The following PCDHGA1 variants were observed in gnomAD, a reference collection of about 807,000 sequenced individuals.
PCDHGA1 encodes protocadherin gamma-A1.
A neutral mutation model predicts 58.0 loss-of-function variants in PCDHGA1; 32 were observed. The observed-to-expected ratio is 0.55, with a 90% CI of 0.42 to 0.74. The LOEUF is 0.74. Ranked by LOEUF, PCDHGA1 falls within the 30% of genes least tolerant of loss-of-function variation. PCDHGA1 has a pLI of 0.00. For synonymous variants in PCDHGA1, 498 were observed against 501.1 expected (o/e 0.99, Z 0.08); for missense variants, 1,205 against 1,182.3 (o/e 1.02, Z -0.28).
chr5:141,340,506 G>C (rs1756951187), intron 1 of PCDHGA1: 1 of 1,614,224 alleles, frequency 6.2e-7, no homozygotes, highest in East Asian at 2.2e-5. Context: ...TCCGACACTG[G>C]AGTACTCTAT....
chr5:141,414,040 C>T, intron 1 of PCDHGA1: 2 of 1,611,438 alleles, frequency 1.2e-6, no homozygotes, highest in Non-Finnish European at 1.7e-6. Context: ...CCGAAAATTA[C>T]CTGACACGCA....
At chr5:141,370,338 G>T in intron 1 of PCDHGA1, 1 of 1,456,378 alleles carries the variant, frequency 6.9e-7, no homozygotes, top group Non-Finnish European at 9.2e-7. Context: ...GAACTCTTGG[G>T]ATTATTTAAA....
At chr5:141,449,726 TTTTTTATGACATGATTA>T (rs2098653732) in intron 1 of PCDHGA1, among the ~76,000 whole-genome samples, 1 of 151,792 alleles carries the variant, frequency 6.6e-6, no homozygotes, top group Admixed American at 6.6e-5. Flanking sequence ...ATGATATGAT[TTTTTTATGACATGATTA>T]TTTTTATGAC....
rs1178458180 is a variant in PCDHGA1 at position 141,384,264 on chromosome 5, A to G, written c.2421+51159A>G. The G allele has an allele frequency of 5.0e-6, 8 of 1,613,664 alleles. No individual in the cohort carries two copies. The African/African-American group carries it at 8.0e-5, about 16-fold the overall frequency. On this transcript the variant is annotated intron_variant, in intron 1 of 3. Transcript: ENST00000517417. ...ATAACCCACCCACCTTCCCCCACTCATCCTACTCAGTCTACATCGCTGAGA... is the reference window on the plus strand; with the variant it reads ...ATAACCCACCCACCTTCCCCCACTCGTCCTACTCAGTCTACATCGCTGAGA...
At chr5:141,456,971 A>G (rs1031714073) in intron 1 of PCDHGA1, among the ~76,000 whole-genome samples, 1 of 147,384 alleles carries the variant, frequency 6.8e-6, no homozygotes, top group Non-Finnish European at 1.5e-5. Context: ...TCAAAACAAA[A>G]CAAACAAACA....
Position 141,476,646 on chromosome 5 carries a change from A to G in PCDHGA1, c.2422-18161A>G, listed in dbSNP as rs771366262. 1.9e-6 allele frequency: 3 copies of G among 1,614,132 alleles called. No homozygotes were observed. The highest frequency in any genetic ancestry group is 1.7e-5 in the Admixed American group (1 of 60,010). ...TTACAAACCTATGAGCTGAGCCGAA[A>G]TGAATACTTTGCGCTTCGCGTGCAG... On this transcript the variant is annotated intron_variant, in intron 1 of 3. Transcript: ENST00000517417. This position sits in a 1 kb window ranked among gnomAD's most constrained non-coding sequence, Gnocchi z 7.6.
chr5:141,435,882 C>G (rs780080571), intron 1 of PCDHGA1, among the ~76,000 whole-genome samples: 1 of 152,060 alleles, frequency 6.6e-6, no homozygotes, highest in African/African-American at 2.4e-5. Context: ...AGATTGGAAA[C>G]CCCTTAGAGA....
intron 1 of PCDHGA1, chr5:141,377,280 AT>A (rs1037514714): frequency 2.0e-5 from 3 of 151,272 alleles, no homozygotes; most frequent in East Asian, 1.9e-4. Context: ...GGGAAAAAAA[AT>A]AACCTTAATT....
At chr5:141,406,448 A>G (rs149183502) in intron 1 of PCDHGA1, among the ~76,000 whole-genome samples, 1 of 152,348 alleles carries the variant, frequency 6.6e-6, no homozygotes, top group African/African-American at 2.4e-5. Context: ...TTCCATTTCT[A>G]TGACAGGAAA....
intron 1 of PCDHGA1, 33 bp from the exon 2 acceptor site, chr5:141,494,774 T>C (rs1462930792): frequency 6.2e-7 from 1 of 1,613,860 alleles, no homozygotes; most frequent in African/African-American, 1.3e-5. Flanking sequence ...TTCTCACGGG[T>C]ACTCAGCCCC....
intron 1 of PCDHGA1, chr5:141,408,109 C>T (rs1011504923): frequency 3.5e-6 from 5 of 1,445,662 alleles, no homozygotes; most frequent in Non-Finnish European, 4.6e-6. Flanking sequence ...AGACCCGGGA[C>T]TCCTCCTGTC....
chr5:141,361,636 A>G (rs767493690), intron 1 of PCDHGA1: 3 of 1,613,640 alleles, frequency 1.9e-6, no homozygotes, highest in African/African-American at 1.3e-5. Context: ...GCCGCGGGAG[A>G]TTTTATCCTA....
rs1395556571 is a variant in PCDHGA1 at position 141,432,581 on chromosome 5, C to CT, written c.2422-62225dup. ...CCAGAACGCCTGGCTGTCCTACCGT[C>CT]TGCTCAAGGCCAGCGAGCCGGGACT... On this transcript the variant is annotated intron_variant, in intron 1 of 3. Coordinates refer to ENST00000517417, the MANE Select transcript of PCDHGA1 (RefSeq NM_018912.3). This position sits in a 1 kb window ranked among gnomAD's most constrained non-coding sequence, Gnocchi z 6.0. 6.2e-7 allele frequency: 1 copy of CT among 1,613,930 alleles called. No homozygotes were observed.
At chr5:141,446,169 C>A (rs920519501) in intron 1 of PCDHGA1, among the ~76,000 whole-genome samples, 1 of 152,014 alleles carries the variant, frequency 6.6e-6, no homozygotes, top group African/African-American at 2.4e-5. Flanking sequence ...TTCATGAGGG[C>A]AGGGGGTGTT....
At chr5:141,342,014 T>A (rs1270047430) in intron 1 of PCDHGA1, 1 of 154,248 alleles carries the variant, frequency 6.5e-6, no homozygotes, top group East Asian at 1.9e-4. Flanking sequence ...GTTTTAAAAA[T>A]CACATTAACC....
intron 1 of PCDHGA1, chr5:141,423,757 G>T (rs562479446): frequency 7.3e-5 from 29 of 395,130 alleles, no homozygotes; most frequent in Non-Finnish European, 9.5e-5. Flanking sequence ...GTTTGGGGGG[G>T]GGGTGGGGCG....
intron 1 of PCDHGA1, chr5:141,340,991 G>C (rs779173739): frequency 1.4e-5 from 22 of 1,614,112 alleles, no homozygotes; most frequent in Non-Finnish European, 1.7e-5. Flanking sequence ...CATCCTGGCC[G>C]ACCTGGGCAG....
At chr5:141,364,378 C>G (rs1453338344) in intron 1 of PCDHGA1, 3 of 1,578,948 alleles carry the variant, frequency 1.9e-6, no homozygotes, top group African/African-American at 1.4e-5. Context: ...TGCTGCTGCC[C>G]TTCATGCTCC....
chr5:141,423,438 C>T lies in PCDHGA1; in HGVS notation c.2422-71369C>T, dbSNP rs2096741369. 5 of 1,613,942 alleles carry T rather than the reference C, an allele frequency of 3.1e-6. No homozygotes were observed. In the East Asian group the frequency reaches 8.9e-5, roughly 29 times the overall value. On this transcript the variant is annotated intron_variant, in intron 1 of 3. Transcript: ENST00000517417. Reference sequence around the variant, plus strand: ...CTGAAGGCGGGTTGGCAGGTATGCCCACGTCACATTTTGTAGGCGTGGACG... The same window carrying T: ...CTGAAGGCGGGTTGGCAGGTATGCCTACGTCACATTTTGTAGGCGTGGACG...
Sources: gnomAD v4.1 joint callset for allele counts (sites outside exome capture counted in the v4.1 genomes callset) on GRCh38, gnomAD v4.1.1 for gene constraint, Gnocchi (gnomAD v3.1) non-coding constraint, MANE v1.5 for transcripts, NCBI Gene and HGNC (gene_info 2026-07-23, HGNC 2026-07-21) for gene names.